IL34: variants seen among roughly 807,000 people sequenced by gnomAD.
IL34 encodes the protein interleukin-34.
In IL34, 17 loss-of-function variants were observed where a neutral mutation model predicts 25.3. The observed-to-expected ratio is 0.67, with a 90% CI of 0.46 to 1.01. The LOEUF is 1.01. Ranked by LOEUF, IL34 falls within the 50% of genes least tolerant of loss-of-function variation. The pLI is 0.00. For synonymous variants in IL34, 174 were observed against 140.9 expected (o/e 1.23, Z -1.66); for missense variants, 368 against 312.9 (o/e 1.18, Z -1.33).
At chr16:70,627,128 C>T (rs549699400) in intron 1 of IL34, among the ~76,000 whole-genome samples, 2 of 152,180 alleles carry the variant, frequency 1.3e-5, no homozygotes, top group South Asian at 4.2e-4. Flanking sequence ...AAGCCTGGCC[C>T]TAAAAAATAT....
At chr16:70,612,203 G>C (rs2051101280) in intron 1 of IL34, among the ~76,000 whole-genome samples, 1 of 152,098 alleles carries the variant, frequency 6.6e-6, no homozygotes, top group Non-Finnish European at 1.5e-5. Flanking sequence ...GCTGACCCCT[G>C]GGGGCTTTTC....
At chr16:70,617,551 G>A (rs970671643) in intron 1 of IL34, among the ~76,000 whole-genome samples, 14 of 152,310 alleles carry the variant, frequency 9.2e-5, no homozygotes, top group East Asian at 1.9e-4. Flanking sequence ...AAAAAGGAGC[G>A]TCTATACAGG....
upstream of IL34, among the ~76,000 whole-genome samples, chr16:70,645,384 A>T (rs552977011): frequency 6.6e-6 from 1 of 152,246 alleles, no homozygotes; most frequent in East Asian, 1.9e-4. Context: ...CCCAAGTCAT[A>T]CCTGCTCTCC....
chr16:70,659,501 G>A, intron 4 of IL34, 117 bp from the exon 5 acceptor site: 1 of 1,307,576 alleles, frequency 7.6e-7, no homozygotes, highest in Non-Finnish European at 1.0e-6. Context: ...CATGGTCACA[G>A]GAAGTCTGGT....
At chr16:70,581,731 C>T (rs1316722573) in intron 1 of IL34, among the ~76,000 whole-genome samples, 3 of 152,128 alleles carry the variant, frequency 2.0e-5, no homozygotes, top group Non-Finnish European at 2.9e-5. Flanking sequence ...TGACCATGAA[C>T]TTCCACCACG....
chr16:70,654,785 A>G (rs2052172780), intron 2 of IL34, 114 bp downstream of exon 2: 4 of 1,335,328 alleles, frequency 3.0e-6, no homozygotes, highest in Admixed American at 2.4e-5. Flanking sequence ...TGAGCCGACC[A>G]TGGCCTGTTT....
intron 1 of IL34, among the ~76,000 whole-genome samples, chr16:70,624,198 G>C (rs937349143): frequency 6.6e-6 from 1 of 152,092 alleles, no homozygotes; most frequent in East Asian, 1.9e-4. Flanking sequence ...GGAATCCCGG[G>C]CTGCCGGCAT....
chr16:70,656,673 C>T lies in IL34; in HGVS notation c.234C>T (p.Thr78=). 7.3e-7 allele frequency: 1 copy of T among 1,364,384 alleles called. No individual in the cohort carries two copies. The allele number at this position is 1,364,384 out of a possible 1,614,324, so 84.5% of individuals were successfully genotyped here. The change falls in exon 3 of 6, where the codon ACC becomes ACT. Residue 78 remains threonine, a synonymous_variant. Transcript: ENST00000288098. ...YEGVFRIANV[T]RLQRAQVSER... is the part of the protein sequence containing the mutation. ...GGGTGTTCAGAATCGCCAACGTCAC[C>T]AGGCTGGTGAGAATCCCTTCCTGGG...
In IL34 at chr16:70,646,723, G is replaced by A; in HGVS notation, c.-225G>A. 1 of 484,734 alleles carries A rather than the reference G, an allele frequency of 2.1e-6. No homozygotes were observed. The allele number at this position is 484,734 out of a possible 1,614,324, so 30.0% of individuals were successfully genotyped here. A position where few individuals can be genotyped will look rare whatever the true frequency, so the allele number is the denominator to read the frequency against. ...CTTCTGGGCTGCCATGGGACTTGCGGCCACCGCCCCCCGGCTGTCCTCCAC... is the reference window on the plus strand; with the variant it reads ...CTTCTGGGCTGCCATGGGACTTGCGACCACCGCCCCCCGGCTGTCCTCCAC... On this transcript the variant is annotated 5_prime_UTR_variant, in exon 1 of 6. Transcript: ENST00000288098.
chr16:70,653,362 A>G (rs1418155442), intron 1 of IL34, among the ~76,000 whole-genome samples: 3 of 151,254 alleles, frequency 2.0e-5, no homozygotes, highest in Non-Finnish European at 2.9e-5. Context: ...AAAAAAAAAA[A>G]AGCCCCAACA....
chr16:70,636,448 C>A (rs965268133), intron 1 of IL34, among the ~76,000 whole-genome samples: 1 of 152,102 alleles, frequency 6.6e-6, no homozygotes, highest in Non-Finnish European at 1.5e-5. Flanking sequence ...ATGGAAGATC[C>A]ACATTGCTTG....
At chr16:70,613,527 CAA>C (rs1249449848) in intron 1 of IL34, among the ~76,000 whole-genome samples, 2 of 152,152 alleles carry the variant, frequency 1.3e-5, no homozygotes, top group Non-Finnish European at 2.9e-5. Flanking sequence ...CCTTGGTACT[CAA>C]AGTGTGGTCT....
rs144979906 is a variant in IL34 at position 70,633,049 on chromosome 16, C to T, written c.-400-13499C>T. ...GCACAACCATGGCTCACTGCAGCCT[C>T]GACCTCCTGGGCTCAAGTGATCCTC... is the stretch of plus-strand genomic sequence containing the variant. On this transcript the variant is annotated intron_variant, in intron 1 of 6. Coordinates refer to the IL34 transcript ENST00000429149. Among the ~76,000 whole-genome samples the T allele has an allele frequency of 4.9e-3, 739 of 152,106 alleles. 3 individuals carry two copies. The highest frequency in any genetic ancestry group is 0.017 in the African/African-American group (695 of 41,506).
upstream of IL34, among the ~76,000 whole-genome samples, chr16:70,644,859 AGAG>A (rs138623888): frequency 0.057 from 7,353 of 129,578 alleles, 905 homozygotes; most frequent in African/African-American, 0.22. Flanking sequence ...AAGAGGAGGA[AGAG>A]GAGGAAGTAG....
At chr16:70,613,471 C>A (rs1023166102) in intron 1 of IL34, among the ~76,000 whole-genome samples, 5 of 152,168 alleles carry the variant, frequency 3.3e-5, no homozygotes, top group Admixed American at 1.3e-4. Flanking sequence ...TTTTCCAAGG[C>A]GCAGTTTCCT....
At chr16:70,643,028 A>C (rs1472326978), upstream of IL34, among the ~76,000 whole-genome samples, 5 of 152,012 alleles carry the variant, frequency 3.3e-5, no homozygotes, top group Admixed American at 2.0e-4. Flanking sequence ...TACACTAAAA[A>C]CCCACAAAGT....
intron 1 of IL34, among the ~76,000 whole-genome samples, chr16:70,618,952 T>C (rs951163520): frequency 1.8e-4 from 28 of 152,040 alleles, no homozygotes; most frequent in East Asian, 1.9e-4. Flanking sequence ...AGAAAGCATG[T>C]TTGAGATGTA....
chr16:70,648,770 G>T (rs565730642), intron 1 of IL34, among the ~76,000 whole-genome samples: 79 of 152,136 alleles, frequency 5.2e-4, no homozygotes, highest in African/African-American at 1.9e-3. Context: ...AGCTTCGGGT[G>T]GCTTAGAGCA....
chr16:70,637,362 A>ATTTAC (rs59533725), intron 1 of IL34, among the ~76,000 whole-genome samples: 45,271 of 151,568 alleles, frequency 0.3, 6,998 homozygotes, highest in South Asian at 0.46. Context: ...ATTTCTTTTT[A>ATTTAC]TTATTTATTT....
Sources: allele counts gnomAD v4.1 joint callset (sites outside exome capture counted in the v4.1 genomes callset), GRCh38; gene constraint gnomAD v4.1.1; transcripts MANE v1.5; gene names NCBI Gene and HGNC (gene_info 2026-07-23, HGNC 2026-07-21).